Variants in RGS22 observed in about 807,000 individuals in gnomAD.
RGS22 encodes regulator of G protein signaling 22.
A neutral mutation model predicts 172.9 loss-of-function variants in RGS22; 148 were observed. The ratio of observed to expected loss-of-function variants is 0.86; its 90% CI spans 0.75 to 0.98. The LOEUF is 0.98. Among genes scored for constraint, RGS22 ranks in the 50% least tolerant of loss-of-function variants. The pLI is 0.00. For missense variants in RGS22, 1,347 were observed against 1,440.8 expected (o/e 0.93, Z 1.05); for synonymous variants, 458 against 480.2 (o/e 0.95, Z 0.60).
chr8:100,062,687 AT>A lies in RGS22; in HGVS notation c.1417del (p.Ile473SerfsTer8). On this transcript the variant is annotated frameshift_variant, in exon 9 of 28. Coordinates refer to ENST00000360863, the MANE Select transcript of RGS22 (RefSeq NM_015668.5). LOFTEE classifies it high-confidence loss of function. Reference sequence around the variant, plus strand: ...ATCTAACAGTTTAAATTTTGATAAGATTTCTGCAGAAAGGTAGTAATCTCCA... The same window carrying A: ...ATCTAACAGTTTAAATTTTGATAAGATTCTGCAGAAAGGTAGTAATCTCCA... ...SNGDYYLSAEILSKFKLLDGS... is the reference protein window; with the variant it reads ...SNGDYYLSAEXLSKFKLLDGS... 1 of 1,598,534 alleles carries A rather than the reference AT, an allele frequency of 6.3e-7. No homozygotes were observed. The highest frequency in any genetic ancestry group is 8.5e-7 in the Non-Finnish European group (1 of 1,174,042).
At chr8:100,094,397 T>A (rs1391243164) in intron 2 of RGS22, among the ~76,000 whole-genome samples, 11 of 152,208 alleles carry the variant, frequency 7.2e-5, no homozygotes, top group Non-Finnish European at 1.5e-4. Flanking sequence ...GGCCAATTTT[T>A]AAAAATTTAT....
chr8:100,080,251 G>A lies in RGS22; in HGVS notation c.222C>T (p.Asn74=), dbSNP rs781056686. Residue 74 remains asparagine (N), a synonymous_variant, in exon 4 of 28, where the codon AAC becomes AAT. Transcript: ENST00000360863. ...LEKQLKKILQ[N]QQPRNPIYDV... ...CATAAATGGGATTTCGAGGTTGCTG[G>A]TTTTGTAGAATTTTTTTCAGTTGTT... 2.5e-5 allele frequency: 40 copies of A among 1,613,742 alleles called. No homozygotes were observed. The highest frequency in any genetic ancestry group is 3.4e-5 in the Non-Finnish European group (40 of 1,179,786).
intron 14 of RGS22, among the ~76,000 whole-genome samples, chr8:100,026,942 T>C (rs1304864773): frequency 1.3e-5 from 2 of 152,212 alleles, no homozygotes; most frequent in Non-Finnish European, 2.9e-5. Context: ...TAAGACACTA[T>C]TACCTGGTCG....
At chr8:100,019,179 G>C (rs767057772) in intron 14 of RGS22, among the ~76,000 whole-genome samples, 7 of 152,198 alleles carry the variant, frequency 4.6e-5, no homozygotes, top group Non-Finnish European at 1.0e-4. Flanking sequence ...CCATAAGTAG[G>C]GGCCATTTGA....
chr8:100,035,237 C>T (rs1257014450), intron 14 of RGS22, among the ~76,000 whole-genome samples: 3 of 152,034 alleles, frequency 2.0e-5, no homozygotes, highest in Non-Finnish European at 4.4e-5. Flanking sequence ...CCAGAATCTA[C>T]GAAGAGCTCA....
intron 16 of RGS22, among the ~76,000 whole-genome samples, chr8:100,005,069 G>GT (rs1815540368): frequency 6.6e-6 from 1 of 152,034 alleles, no homozygotes; most frequent in African/African-American, 2.4e-5. Context: ...ATTGTGGATA[G>GT]TATTATAAAG....
At chr8:99,976,657 G>A (rs1435637554) in intron 23 of RGS22, among the ~76,000 whole-genome samples, 1 of 152,124 alleles carries the variant, frequency 6.6e-6, no homozygotes, top group African/African-American at 2.4e-5. Flanking sequence ...CACTGCGCCC[G>A]ACTGAACCAC....
intron 11 of RGS22, among the ~76,000 whole-genome samples, chr8:100,043,780 A>C (rs1011475482): frequency 3.3e-5 from 5 of 152,164 alleles, no homozygotes; most frequent in African/African-American, 1.2e-4. Context: ...CTCAAAAAAA[A>C]ACAAAAAACA....
chr8:100,043,590 A>C (rs1476672011), intron 11 of RGS22, among the ~76,000 whole-genome samples: 1 of 152,170 alleles, frequency 6.6e-6, no homozygotes, highest in Admixed American at 6.5e-5. Flanking sequence ...AGCCTGGTCC[A>C]CATGGTGAAA....
chr8:100,012,546 T>C (rs896403078), intron 14 of RGS22, among the ~76,000 whole-genome samples: 4 of 151,628 alleles, frequency 2.6e-5, no homozygotes, highest in Non-Finnish European at 4.4e-5. Context: ...GGTGCCACCG[T>C]ACTCCAGACT....
intron 3 of RGS22, among the ~76,000 whole-genome samples, chr8:100,089,318 A>G (rs1211817570): frequency 6.6e-6 from 1 of 152,120 alleles, no homozygotes; most frequent in East Asian, 1.9e-4. Flanking sequence ...TTTAATTGTT[A>G]GAAAACAAAT....
At chr8:100,019,177 A>G (rs74727830) in intron 14 of RGS22, among the ~76,000 whole-genome samples, 3,736 of 152,342 alleles carry the variant, frequency 0.025, 371 homozygotes, top group East Asian at 0.22. Context: ...TTCCATAAGT[A>G]GGGGCCATTT....
intron 14 of RGS22, among the ~76,000 whole-genome samples, chr8:100,022,580 G>T (rs1309618879): frequency 6.6e-6 from 1 of 151,876 alleles, no homozygotes; most frequent in African/African-American, 2.4e-5. Context: ...GCAATCTAAG[G>T]AACAAATAAA....
chr8:99,967,905 A>T (rs1382402805), intron 23 of RGS22, among the ~76,000 whole-genome samples: 5 of 152,208 alleles, frequency 3.3e-5, no homozygotes, highest in African/African-American at 1.2e-4. Flanking sequence ...TGCCTTCTCA[A>T]GTGGGTCCCT....
intron 8 of RGS22, among the ~76,000 whole-genome samples, chr8:100,063,139 T>C (rs1261343926): frequency 2.6e-5 from 4 of 152,220 alleles, no homozygotes; most frequent in Middle Eastern, 3.4e-3. Flanking sequence ...AAAATGAAAA[T>C]AGAATAATTA....
At chr8:99,965,489 C>T in intron 23 of RGS22, 59 bp from the exon 24 acceptor site, 1 of 1,251,958 alleles carries the variant, frequency 8.0e-7, no homozygotes, top group South Asian at 1.3e-5. Context: ...TTAATATAAA[C>T]TTATGGCTAA....
In RGS22 at chr8:100,063,579, T is replaced by C. The variant is rs1431839260; in HGVS notation, c.1189A>G (p.Arg397Gly). The C allele has an allele frequency of 1.2e-6, 2 of 1,614,098 alleles. No homozygotes were observed. The change falls in exon 8 of 28, where the codon AGG becomes GGG. Residue 397 changes from arginine to glycine, a missense_variant. Physicochemically the swap from Arg to Gly is moderately radical, Grantham distance 125. Transcript: ENST00000360863. ...CTATGAGAAATACACCAGTCCGCCC[T>C]GCTCTCTGGTCCAGCGCTCTCATTC... is the stretch of plus-strand genomic sequence containing the variant. Reference protein sequence around the residue: ...SKNESAGPESRADWCISHRTY... With the variant: ...SKNESAGPESGADWCISHRTY...
chr8:100,023,902 T>G (rs780300618), intron 14 of RGS22: 1 of 152,462 alleles, frequency 6.6e-6, no homozygotes, highest in African/African-American at 2.4e-5. Flanking sequence ...TTGGGTGAAG[T>G]GGGAGGGGAC....
chr8:100,008,492 A>G lies in RGS22; in HGVS notation c.2244T>C (p.Tyr748=). 2 of 1,613,484 alleles carry G rather than the reference A, an allele frequency of 1.2e-6. No homozygotes were observed. The highest frequency in any genetic ancestry group is 1.7e-6 in the Non-Finnish European group (2 of 1,179,736). Residue 748 remains tyrosine (Y), a synonymous_variant, in exon 15 of 28, where the codon TAT becomes TAC. Transcript: ENST00000360863. The stretch of plus-strand genomic sequence containing the variant: ...CTTCAAATGGTGGCTGTATTTTCAT[A>G]TAAATTTCTTTTTTCTTTTCCTGTT... The part of the protein sequence containing the change: ...GLQQEKKKEI[Y]MKIQPPFEDL...
Sources: gnomAD v4.1 joint callset for allele counts (sites outside exome capture counted in the v4.1 genomes callset) on GRCh38, gnomAD v4.1.1 for gene constraint, MANE v1.5 for transcripts, NCBI Gene and HGNC (gene_info 2026-07-23, HGNC 2026-07-21) for gene names.